KDM2B: variants seen among roughly 807,000 people sequenced by gnomAD.
The protein encoded by KDM2B is lysine demethylase 2B.
In KDM2B, 26 loss-of-function variants were observed where a neutral mutation model predicts 150.0. The observed-to-expected ratio is 0.17, with a 90% confidence interval of 0.13 to 0.24. KDM2B has a LOEUF of 0.24. Ranked by LOEUF, KDM2B falls within the 10% of genes least tolerant of loss-of-function variation. The pLI is 1.00. For synonymous variants in KDM2B, 734 were observed against 729.5 expected (o/e 1.01, Z -0.10); for missense variants, 1,265 against 1,816.9 (o/e 0.70, Z 5.52).
At chr12:121,487,900 G>A (rs1882947026) in intron 12 of KDM2B, among the ~76,000 whole-genome samples, 1 of 151,312 alleles carries the variant, frequency 6.6e-6, no homozygotes, top group African/African-American at 2.4e-5. Context: ...TACTGCGTCA[G>A]CCTCCTGAGT....
chr12:121,425,355 T>C (rs1354836959), downstream of KDM2B, among the ~76,000 whole-genome samples: 2 of 151,734 alleles, frequency 1.3e-5, no homozygotes, highest in Non-Finnish European at 2.9e-5. Context: ...GCAAAAATGT[T>C]GTGAAATCTC....
At chr12:121,446,543 C>T (rs1876328116) in intron 13 of KDM2B, among the ~76,000 whole-genome samples, 1 of 152,194 alleles carries the variant, frequency 6.6e-6, no homozygotes, top group Non-Finnish European at 1.5e-5. Context: ...ACACAGGTGA[C>T]GCGTACCAAA....
chr12:121,456,546 C>G (rs1878268671), intron 12 of KDM2B, among the ~76,000 whole-genome samples: 2 of 152,166 alleles, frequency 1.3e-5, no homozygotes, highest in South Asian at 4.1e-4. Context: ...ATCCCCGGAG[C>G]TGGAGAGTCT....
At chr12:121,447,315 C>T (rs1876444598) in intron 13 of KDM2B, among the ~76,000 whole-genome samples, 1 of 151,884 alleles carries the variant, frequency 6.6e-6, no homozygotes, top group Non-Finnish European at 1.5e-5. Context: ...GTGGCACGGT[C>T]TCGACTCACT....
intron 1 of KDM2B, chr12:121,579,493 G>GCC: frequency 1.6e-6 from 1 of 632,496 alleles, no homozygotes; most frequent in Non-Finnish European, 2.5e-6. Context: ...GACCCCAGCC[G>GCC]CCCCCGCCGC....
Position 121,442,639 on chromosome 12 carries a change from C to A in KDM2B, c.2802G>T (p.Lys934Asn). The change falls in exon 19 of 23, where the codon AAG (lysine) becomes AAT (asparagine). Residue 934 changes from lysine (K) to asparagine (N), a missense_variant. By Grantham distance (94) the Lys-to-Asn change is moderately conservative (BLOSUM62 0). Transcript: ENST00000377071. The surrounding 1 kb of genome is among the most constrained non-coding windows in gnomAD (Gnocchi z 7.7). ...TGGGAAGCCGCCGCTTCCGGCGCATCTTCACCTTCTTCTTCTCCTCCGGGC... is the reference window on the plus strand; with the variant it reads ...TGGGAAGCCGCCGCTTCCGGCGCATATTCACCTTCTTCTTCTCCTCCGGGC... Reference protein sequence around the residue: ...AEGPEEKKKVKMRRKRRLPNK... With the variant: ...AEGPEEKKKVNMRRKRRLPNK... The A allele has an allele frequency of 6.2e-7, 1 of 1,604,790 alleles. No individual in the cohort carries two copies. The highest frequency in any genetic ancestry group is 8.5e-7 in the Non-Finnish European group (1 of 1,178,792).
chr12:121,535,510 T>A (rs1888018915), intron 6 of KDM2B, among the ~76,000 whole-genome samples: 2 of 152,206 alleles, frequency 1.3e-5, no homozygotes, highest in African/African-American at 4.8e-5. Flanking sequence ...TCTGTGAACA[T>A]ACTAAAACCC....
chr12:121,460,306 G>A (rs1370094113), intron 12 of KDM2B, among the ~76,000 whole-genome samples: 1 of 152,236 alleles, frequency 6.6e-6, no homozygotes, highest in African/African-American at 2.4e-5. Flanking sequence ...TCATTATGAT[G>A]ACATTAAAAA....
chr12:121,467,418 G>T lies in KDM2B; in HGVS notation c.1735-14074C>A, dbSNP rs574413362. On this transcript the variant is annotated intron_variant, in intron 12 of 22. Transcript: ENST00000377071. This position sits in a 1 kb window ranked among gnomAD's most constrained non-coding sequence, Gnocchi z 5.1. The stretch of plus-strand genomic sequence containing the variant: ...GGGGCCGGCGGGGGAGGGCCGGGGC[G>T]CCATGCATATGCATGAGGCGAGCCA... 2,478 of 891,140 alleles carry T rather than the reference G, an allele frequency of 2.8e-3. 6 individuals carry two copies. The highest frequency in any genetic ancestry group is 4.0e-3 in the Middle Eastern group (7 of 1,734). 55.2% of individuals were successfully genotyped at this position (891,140 alleles called of 1,614,324 possible).
At chr12:121,580,705 AC>A in intron 1 of KDM2B, 80 bp downstream of exon 1, 8 of 987,844 alleles carry the variant, frequency 8.1e-6, no homozygotes, top group Non-Finnish European at 4.3e-6. Context: ...CCCAAAAACG[AC>A]CCCCCACCTC....
chr12:121,574,742 T>C, intron 3 of KDM2B, 149 bp from the exon 4 acceptor site: 2 of 690,094 alleles, frequency 2.9e-6, no homozygotes, highest in Non-Finnish European at 2.5e-6. Context: ...GGGAGAGAAG[T>C]AGACCAGTTG....
chr12:121,523,309 G>A (rs1886852108), intron 8 of KDM2B, among the ~76,000 whole-genome samples: 1 of 152,200 alleles, frequency 6.6e-6, no homozygotes, highest in South Asian at 2.1e-4. Context: ...TAAGGACAAG[G>A]GCGGACAGAG....
chr12:121,488,967 C>G lies in KDM2B; in HGVS notation c.1734+5612G>C, dbSNP rs551118648. Among the ~76,000 whole-genome samples, 634 of 152,232 alleles carry G rather than the reference C, an allele frequency of 4.2e-3. 2 individuals carry two copies. The highest frequency in any genetic ancestry group is 7.2e-3 in the Non-Finnish European group (491 of 68,018). On this transcript the variant is annotated intron_variant, in intron 12 of 22. Coordinates refer to ENST00000377071, the MANE Select transcript of KDM2B (RefSeq NM_032590.5). ...GGGATTACAGGCGTACACCACCACGCCAGATAGTTTTGTATTTTTTAGAAG... is the reference window on the plus strand; with the variant it reads ...GGGATTACAGGCGTACACCACCACGGCAGATAGTTTTGTATTTTTTAGAAG...
At chr12:121,440,746 G>T in intron 21 of KDM2B, 70 bp downstream of exon 21, 1 of 1,413,878 alleles carries the variant, frequency 7.1e-7, no homozygotes, top group Non-Finnish European at 9.7e-7. Context: ...GGGGTCTGAG[G>T]GTAAAAGCAG....
chr12:121,573,084 A>G (rs1257976239), intron 4 of KDM2B, among the ~76,000 whole-genome samples: 4 of 151,264 alleles, frequency 2.6e-5, no homozygotes, highest in Non-Finnish European at 5.9e-5. Context: ...TCAGCCTCCC[A>G]AAGTGCTGAG....
At chr12:121,509,531 C>T (rs1885397071) in intron 11 of KDM2B, 36 bp downstream of exon 11, 1 of 1,600,658 alleles carries the variant, frequency 6.2e-7, no homozygotes, top group South Asian at 1.1e-5. Flanking sequence ...CCCGGCCCTC[C>T]TCGGCCGCCC....
intron 21 of KDM2B, 200 bp from the exon 22 acceptor site, chr12:121,440,275 G>A (rs994567777): frequency 8.2e-5 from 49 of 595,010 alleles, no homozygotes; most frequent in African/African-American, 7.1e-4. Context: ...AGATTCTCTT[G>A]AAAAACTAAA....
chr12:121,547,166 A>C (rs1273609714), intron 6 of KDM2B, among the ~76,000 whole-genome samples: 5 of 151,988 alleles, frequency 3.3e-5, no homozygotes, highest in Non-Finnish European at 7.4e-5. Flanking sequence ...AGGGGCTTGT[A>C]GTCTTGTTCC....
chr12:121,449,150 G>A (rs1876791127), intron 13 of KDM2B, among the ~76,000 whole-genome samples: 1 of 151,610 alleles, frequency 6.6e-6, no homozygotes. Flanking sequence ...ATGGGAGGCG[G>A]TGCCAGAGGC....
Sources: allele counts gnomAD v4.1 joint callset (sites outside exome capture counted in the v4.1 genomes callset), GRCh38; gene constraint gnomAD v4.1.1; non-coding constraint Gnocchi (gnomAD v3.1); transcripts MANE v1.5; gene names NCBI Gene and HGNC (gene_info 2026-07-23, HGNC 2026-07-21).